DENND1A: variants seen among roughly 807,000 people sequenced by gnomAD.
DENND1A encodes DENN domain containing 1A, also known as DENN domain-containing protein 1A.
A neutral mutation model predicts 113.7 loss-of-function variants in DENND1A; 51 were observed. The ratio of observed to expected loss-of-function variants is 0.45; its 90% CI spans 0.36 to 0.57. The LOEUF (loss-of-function observed/expected upper bound fraction) is 0.57, where lower values mean the gene tolerates loss of function less well. DENND1A is among the 20% of genes least tolerant of loss of function. DENND1A has a pLI of 0.00. For synonymous variants in DENND1A, 565 were observed against 570.8 expected (o/e 0.99, Z 0.14); for missense variants, 1,258 against 1,395.9 (o/e 0.90, Z 1.57).
intron 19 of DENND1A, among the ~76,000 whole-genome samples, chr9:123,418,464 C>T (rs2044933737): frequency 6.6e-6 from 1 of 152,190 alleles, no homozygotes; most frequent in South Asian, 2.1e-4. Flanking sequence ...ACATTGTTTC[C>T]AAAAGGTCAG....
chr9:123,787,307 T>A (rs569891540), intron 3 of DENND1A, among the ~76,000 whole-genome samples: 12 of 152,312 alleles, frequency 7.9e-5, no homozygotes, highest in African/African-American at 2.4e-4. Context: ...AATTTTCTTA[T>A]GAAATAGTAT....
intron 12 of DENND1A, among the ~76,000 whole-genome samples, chr9:123,578,861 T>A (rs1375309668): frequency 6.7e-6 from 1 of 149,556 alleles, no homozygotes; most frequent in Non-Finnish European, 1.5e-5. Flanking sequence ...TGTGTGTGCA[T>A]GTGTTTGTGT....
intron 5 of DENND1A, among the ~76,000 whole-genome samples, chr9:123,689,157 T>C (rs1437520118): frequency 6.6e-6 from 1 of 152,148 alleles, no homozygotes; most frequent in Non-Finnish European, 1.5e-5. Context: ...CCCAAGTAGC[T>C]GGGATTACAG....
intron 1 of DENND1A, among the ~76,000 whole-genome samples, chr9:123,927,538 C>T (rs1422565212): frequency 6.6e-6 from 1 of 152,206 alleles, no homozygotes; most frequent in Non-Finnish European, 1.5e-5. Flanking sequence ...GTGTTCAATG[C>T]TCATAATAAC....
chr9:123,648,838 T>C (rs1371896949), intron 9 of DENND1A, among the ~76,000 whole-genome samples: 1 of 152,202 alleles, frequency 6.6e-6, no homozygotes, highest in Non-Finnish European at 1.5e-5. Context: ...TCTTCCTTTT[T>C]TTTCCTATGT....
chr9:123,745,280 C>T (rs1263910485), intron 5 of DENND1A, among the ~76,000 whole-genome samples: 1 of 152,208 alleles, frequency 6.6e-6, no homozygotes, highest in Admixed American at 6.5e-5. Flanking sequence ...TCTCTCACAA[C>T]TCCAGGGACT....
chr9:123,698,393 T>C (rs2065658674), intron 5 of DENND1A, among the ~76,000 whole-genome samples: 1 of 152,198 alleles, frequency 6.6e-6, no homozygotes, highest in Non-Finnish European at 1.5e-5. Context: ...ATACCACAAG[T>C]GTAGTAGTAC....
chr9:123,383,920 G>C lies in DENND1A; in HGVS notation c.1761-7C>G, dbSNP rs1257595470. Reference sequence around the variant, plus strand: ...TGTCCGATACGGCTGCGGCCTGTCGGGGACAGAGCAGGCTGCACTCTCCCA... The same window carrying C: ...TGTCCGATACGGCTGCGGCCTGTCGCGGACAGAGCAGGCTGCACTCTCCCA... On this transcript the variant is annotated splice_polypyrimidine_tract_variant and splice_region_variant and intron_variant, in intron 22 of 23. Coordinates refer to ENST00000394215, the MANE Select transcript of DENND1A (RefSeq NM_001352964.2). 4 of 1,603,326 alleles carry C rather than the reference G, an allele frequency of 2.5e-6. No homozygotes were observed. The East Asian group carries it at 6.7e-5, about 27-fold the overall frequency.
intron 13 of DENND1A, among the ~76,000 whole-genome samples, chr9:123,482,072 G>A (rs1334314982): frequency 6.6e-6 from 1 of 150,856 alleles, no homozygotes; most frequent in East Asian, 2.0e-4. Flanking sequence ...TCAAAGAGCT[G>A]GGATTACAGG....
intron 13 of DENND1A, among the ~76,000 whole-genome samples, chr9:123,489,111 GCA>G (rs2051143230): frequency 6.6e-6 from 1 of 151,998 alleles, no homozygotes; most frequent in Non-Finnish European, 1.5e-5. Flanking sequence ...CCTCAGACAC[GCA>G]CACATACAGC....
intron 15 of DENND1A, chr9:123,456,943 G>A (rs1309631746): frequency 5.8e-6 from 1 of 172,762 alleles, no homozygotes; most frequent in African/African-American, 2.4e-5. Context: ...TGTGAGGTGG[G>A]ACACGGTACG....
intron 8 of DENND1A, among the ~76,000 whole-genome samples, chr9:123,652,717 T>G (rs926987207): frequency 8.5e-5 from 13 of 152,196 alleles, no homozygotes; most frequent in Non-Finnish European, 7.3e-5. Context: ...ACGGCTCAGC[T>G]GGAATTAAGG....
intron 5 of DENND1A, among the ~76,000 whole-genome samples, chr9:123,687,407 C>G (rs2064876696): frequency 6.6e-6 from 1 of 152,180 alleles, no homozygotes; most frequent in Non-Finnish European, 1.5e-5. Context: ...TACCTTAGAA[C>G]TCTTGATTAA....
chr9:123,524,999 T>C (rs1173958484), intron 13 of DENND1A, among the ~76,000 whole-genome samples: 2 of 152,242 alleles, frequency 1.3e-5, no homozygotes, highest in East Asian at 1.9e-4. Flanking sequence ...AGGCACTGCA[T>C]ACCTCTTATC....
At chr9:123,534,997 C>A (rs553244070) in intron 13 of DENND1A, among the ~76,000 whole-genome samples, 1 of 152,252 alleles carries the variant, frequency 6.6e-6, no homozygotes, top group African/African-American at 2.4e-5. Context: ...TGGAGGCAGA[C>A]CAAGAACCCA....
In DENND1A at chr9:123,786,220, AAAAG is replaced by A. The variant is rs1194254293; in HGVS notation, c.132+6363_132+6366del. On this transcript the variant is annotated intron_variant, in intron 3 of 23. Transcript: ENST00000394215. ...CAGAGCAAGACTGTCTCAAAAAAAA[AAAAG>A]AAAGAAAGAAATGCACATATCTAAA... Among the ~76,000 whole-genome samples the A allele has an allele frequency of 3.9e-5, 6 of 152,130 alleles. No individual in the cohort carries two copies. In the East Asian group the frequency reaches 7.7e-4, roughly 19 times the overall value.
rs192406722 is a variant in DENND1A, at chr9:123,876,803, C to G, written c.88+2148G>C. Among the ~76,000 whole-genome samples, 14 of 152,118 alleles carry G rather than the reference C, an allele frequency of 9.2e-5. No individual in the cohort carries two copies. In the East Asian group the frequency reaches 2.7e-3, roughly 29 times the overall value. ...TTTATAGAAGCACTATTTACAATAG[C>G]AAAGATACAGAATCAATATAAGTGT... On this transcript the variant is annotated intron_variant, in intron 2 of 23. Transcript: ENST00000394215.
chr9:123,562,494 G>C (rs1033060080), intron 12 of DENND1A, among the ~76,000 whole-genome samples: 1 of 152,122 alleles, frequency 6.6e-6, no homozygotes, highest in Non-Finnish European at 1.5e-5. Flanking sequence ...AAATACTGTC[G>C]AGTGAGGAAA....
intron 8 of DENND1A, among the ~76,000 whole-genome samples, chr9:123,655,050 T>C (rs146006776): frequency 3.9e-5 from 6 of 152,252 alleles, no homozygotes; most frequent in East Asian, 1.9e-4. Context: ...TACCTGGAAA[T>C]TGTAATTACT....
Sources: allele counts gnomAD v4.1 joint callset (sites outside exome capture counted in the v4.1 genomes callset), GRCh38; gene constraint gnomAD v4.1.1; transcripts MANE v1.5; gene names NCBI Gene and HGNC (gene_info 2026-07-23, HGNC 2026-07-21).